The following CCDC88B variants were observed in gnomAD, a reference collection of about 807,000 sequenced individuals.
CCDC88B encodes coiled-coil and HOOK domain protein 88B, also known as coiled-coil domain-containing protein 88B.
A neutral mutation model predicts 183.7 loss-of-function variants in CCDC88B; 138 were observed. The observed-to-expected ratio is 0.75, with a 90% confidence interval of 0.65 to 0.87. The LOEUF is 0.87. Among genes scored for constraint, CCDC88B ranks in the 40% least tolerant of loss-of-function variants. CCDC88B has a pLI of 0.00. For synonymous variants in CCDC88B, 835 were observed against 867.5 expected (o/e 0.96, Z 0.66); for missense variants, 1,822 against 1,965.6 (o/e 0.93, Z 1.38).
At position 64,353,501 on chromosome 11, in the gene CCDC88B, G is replaced by A; in HGVS notation, c.3833+5G>A. On this transcript the variant is annotated splice_donor_5th_base_variant and intron_variant, in intron 22 of 26. Coordinates refer to ENST00000356786, the MANE Select transcript of CCDC88B (RefSeq NM_032251.6). ...CCGCGAACAGCGGGAGTACCTGTGA[G>A]TGGGCCGCCTGGGAGCGGGGTGGGG... 6.2e-7 allele frequency: 1 copy of A among 1,610,328 alleles called. No individual in the cohort carries two copies.
chr11:64,353,098 T>A lies in CCDC88B; in HGVS notation c.3545T>A (p.Leu1182Gln). 1 of 1,607,082 alleles carries A rather than the reference T, an allele frequency of 6.2e-7. No individual in the cohort carries two copies. The highest frequency in any genetic ancestry group is 1.7e-5 in the Admixed American group (1 of 59,342). The change falls in exon 21 of 27, where the codon CTG becomes CAG. Residue 1182 changes from leucine to glutamine, a missense_variant. Physicochemically the swap from Leu to Gln is moderately radical, Grantham distance 113. Transcript: ENST00000356786. Reference protein sequence around the residue: ...LAELSRERGELQGERGELRGR... With the variant: ...LAELSRERGEQQGERGELRGR... ...GAGTTGTCTCGGGAGCGGGGTGAGC[T>A]GCAGGGTGAACGCGGGGAGCTACGG...
chr11:64,351,564 A>C lies in CCDC88B; in HGVS notation c.3047A>C (p.Gln1016Pro). ...GQLGSLQGRA[Q>P]ELLLQSQRAQ... ...CTGGGGAGCCTGCAGGGCCGTGCCC[A>C]GGAGCTGCTGCTGCAGAGCCAGCGG... The change falls in exon 18 of 27, where the codon CAG becomes CCG. Residue 1016 changes from glutamine (Q) to proline (P), a missense_variant. Gln to Pro is a moderately conservative substitution (Grantham distance 76, BLOSUM62 -1). Transcript: ENST00000356786. The C allele has an allele frequency of 6.4e-7, 1 of 1,565,840 alleles. No homozygotes were observed. The highest frequency in any genetic ancestry group is 8.6e-7 in the Non-Finnish European group (1 of 1,164,184).
chr11:64,351,993 T>A, intron 18 of CCDC88B, 137 bp from the exon 19 acceptor site: 1 of 1,251,474 alleles, frequency 8.0e-7, no homozygotes, highest in Non-Finnish European at 1.1e-6. Context: ...CTGCCTGCTG[T>A]GCCCCCAGCC....
rs778015042 is a variant in CCDC88B at position 64,354,129 on chromosome 11, C to T, written c.4058C>T (p.Pro1353Leu). Residue 1353 changes from proline (P) to leucine (L), a missense_variant, in exon 24 of 27, where the codon CCG (proline) becomes CTG (leucine). Physicochemically the swap from Pro to Leu is moderately conservative, Grantham distance 98. Coordinates refer to ENST00000356786, the MANE Select transcript of CCDC88B (RefSeq NM_032251.6). ...AGCACCGAGAGCCTGGGGGGCCCCC[C>T]GGAGACGGAGCTTCCTGAGGGCAGG... is the stretch of plus-strand genomic sequence containing the variant. ...AGSTESLGGP[P>L]ETELPEGREA... 3.9e-5 allele frequency: 53 copies of T among 1,371,142 alleles called. No individual in the cohort carries two copies. The Admixed American group carries it at 4.7e-4, about 12-fold the overall frequency. The allele number at this position is 1,371,142 out of a possible 1,614,324, so 84.9% of individuals were successfully genotyped here.
chr11:64,347,876 C>A (rs1325393642), intron 14 of CCDC88B, among the ~76,000 whole-genome samples: 1 of 151,920 alleles, frequency 6.6e-6, no homozygotes, highest in African/African-American at 2.4e-5. Flanking sequence ...CATGGCAAAA[C>A]CCCAACTCTA....
At position 64,342,650 on chromosome 11, in the gene CCDC88B, G is replaced by A; in HGVS notation, c.1032G>A (p.Gln344=). ...EELRRCRERL[Q]AAEAYKSQLE... is the part of the protein sequence containing the mutation. Reference sequence around the variant, plus strand: ...TGAGGCGCTGCCGCGAGCGGCTGCAGGCGGCTGAGGCCTACAAGAGTCAGC... The same window carrying A: ...TGAGGCGCTGCCGCGAGCGGCTGCAAGCGGCTGAGGCCTACAAGAGTCAGC... The change falls in exon 10 of 27, where the codon CAG becomes CAA. Residue 344 remains glutamine (Q), a synonymous_variant. Transcript: ENST00000356786. 4 of 1,518,332 alleles carry A rather than the reference G, an allele frequency of 2.6e-6. No individual in the cohort carries two copies. The highest frequency in any genetic ancestry group is 2.4e-5 in the South Asian group (2 of 81,896). 94.1% of individuals were successfully genotyped at this position (1,518,332 alleles called of 1,614,324 possible).
intron 2 of CCDC88B, 70 bp from the exon 3 acceptor site, chr11:64,340,836 CG>C (rs2035809382): frequency 1.3e-6 from 2 of 1,540,280 alleles, no homozygotes; most frequent in South Asian, 2.5e-5. Flanking sequence ...GCTCAGTGGG[CG>C]GGGCCTGAGG....
chr11:64,353,972 C>T (rs1290478813), intron 23 of CCDC88B, 32 bp from the exon 24 acceptor site: 2 of 1,530,004 alleles, frequency 1.3e-6, no homozygotes, highest in Non-Finnish European at 1.8e-6. Context: ...TCCTCCCTGT[C>T]CTGACCCCCT....
chr11:64,355,115 C>A (rs545466286), intron 24 of CCDC88B, 79 bp from the exon 25 acceptor site: 5 of 1,043,400 alleles, frequency 4.8e-6, no homozygotes, highest in South Asian at 6.3e-5. Flanking sequence ...AGCCTCCCCC[C>A]ATTCTCTGAC....
intron 16 of CCDC88B, 150 bp downstream of exon 16, chr11:64,349,818 G>A (rs568057839): frequency 2.8e-6 from 2 of 710,242 alleles, no homozygotes; most frequent in East Asian, 5.4e-5. Flanking sequence ...GTTGGAGAGA[G>A]CACTGTGCTG....
Position 64,355,251 on chromosome 11 carries a change from A to G in CCDC88B, c.4157A>G (p.Glu1386Gly). 1 of 1,553,858 alleles carries G rather than the reference A, an allele frequency of 6.4e-7. No homozygotes were observed. The highest frequency in any genetic ancestry group is 8.7e-7 in the Non-Finnish European group (1 of 1,153,376). The change falls in exon 25 of 27, where the codon GAG (glutamate) becomes GGG (glycine). Residue 1386 changes from glutamate (E) to glycine (G), a missense_variant. Physicochemically the swap from Glu to Gly is moderately conservative, Grantham distance 98 (BLOSUM62 -2). Transcript: ENST00000356786. Reference protein sequence around the residue: ...RAQSSLCLRDETLAGGQRRKL... With the variant: ...RAQSSLCLRDGTLAGGQRRKL... The stretch of plus-strand genomic sequence containing the variant: ...CAGAGCTCCCTCTGCCTGCGGGATG[A>G]GACCTTGGCAGGCGGGCAGCGGCGG...
rs1591290792 is a variant in CCDC88B, at chr11:64,349,457, A to C, written c.2743A>C (p.Arg915=). The C allele has an allele frequency of 2.2e-6, 3 of 1,352,462 alleles. No homozygotes were observed. In the East Asian group the frequency reaches 1.2e-4, roughly 53 times the overall value. The allele number at this position is 1,352,462 out of a possible 1,614,324, so 83.8% of individuals were successfully genotyped here. ...FLREKESQHQ[R]YQGLEQRLEA... ...GCGAGAAAAGGAAAGCCAGCACCAG[A>C]GGTGGGGACAGGGCTGAGGGGAAGA... Residue 915 remains arginine (R), a splice_region_variant and synonymous_variant, in exon 15 of 27, where the codon AGG becomes CGG. Transcript: ENST00000356786.
At position 64,341,609 on chromosome 11, in the gene CCDC88B, C is replaced by A. The variant is rs762002647; in HGVS notation, c.542C>A (p.Pro181Gln). 3 of 1,599,996 alleles carry A rather than the reference C, an allele frequency of 1.9e-6. No individual in the cohort carries two copies. In the South Asian group the frequency reaches 3.4e-5, roughly 18 times the overall value. Residue 181 changes from proline (P) to glutamine (Q), a missense_variant, in exon 7 of 27, where the codon CCG becomes CAG. Physicochemically the swap from Pro to Gln is moderately conservative, Grantham distance 76. Transcript: ENST00000356786. ...LAAAIQEVTQPGAGVVLALSG... is the reference protein window; with the variant it reads ...LAAAIQEVTQQGAGVVLALSG... ...CTTCCTGCGCCCCAGGTGACCCAGC[C>A]GGGGGCCGGCGTGGTGCTGGCACTG...
At chr11:64,342,728 G>C in intron 10 of CCDC88B, 48 bp downstream of exon 10, 1 of 1,443,256 alleles carries the variant, frequency 6.9e-7, no homozygotes, top group Non-Finnish European at 9.0e-7. Context: ...GAGGGGGCGG[G>C]CCAGGAGGAG....
chr11:64,341,563 CGCG>C lies in CCDC88B; in HGVS notation c.532-33_532-31del, dbSNP rs556067934. The C allele has an allele frequency of 2.0e-4, 325 of 1,609,304 alleles. No homozygotes were observed. In the African/African-American group the frequency reaches 2.7e-3, roughly 13 times the overall value. ...GGCACCTGGGACGCCCTTGCCACAC[CGCG>C]GCTTCCACTGAACTGCTCTTCCTGC... is the stretch of plus-strand genomic sequence containing the variant. On this transcript the variant is annotated intron_variant, in intron 6 of 26. Coordinates refer to ENST00000356786, the MANE Select transcript of CCDC88B (RefSeq NM_032251.6).
At chr11:64,343,752 G>C (rs2035983105) in intron 12 of CCDC88B, 26 bp from the exon 13 acceptor site, 2 of 1,544,858 alleles carry the variant, frequency 1.3e-6, no homozygotes, top group Non-Finnish European at 1.7e-6. Context: ...TAAAGGAGGG[G>C]TCCTGACCTC....
In CCDC88B at chr11:64,344,494, G is replaced by A. The variant is rs1207569579; in HGVS notation, c.1953G>A (p.Gly651=). ...LRQEGPEHKP[G]PSEPSSVQLE... ...AGGAGGGCCCTGAGCACAAGCCAGG[G>A]CCTTCGGAGCCCAGCTCTGTGCAGC... The change falls in exon 14 of 27, where the codon GGG becomes GGA. Residue 651 remains glycine, a synonymous_variant. Coordinates refer to ENST00000356786, the MANE Select transcript of CCDC88B (RefSeq NM_032251.6). The surrounding 1 kb of genome is among the most constrained non-coding windows in gnomAD (Gnocchi z 4.5). The A allele has an allele frequency of 1.0e-5, 16 of 1,607,030 alleles. No individual in the cohort carries two copies. The highest frequency in any genetic ancestry group is 1.4e-5 in the Non-Finnish European group (16 of 1,177,116).
At chr11:64,355,853 G>T (rs750451685) in intron 26 of CCDC88B, 20 of 441,562 alleles carry the variant, frequency 4.5e-5, no homozygotes, top group Non-Finnish European at 6.8e-5. Flanking sequence ...TAGAAATATG[G>T]TGTGAACCAC....
chr11:64,356,853 T>C, intron 26 of CCDC88B, 186 bp from the exon 27 acceptor site: 1 of 575,152 alleles, frequency 1.7e-6, no homozygotes. Context: ...GTTTGTCGTG[T>C]GGACATACCT....
Sources: allele counts gnomAD v4.1 joint callset (sites outside exome capture counted in the v4.1 genomes callset), GRCh38; gene constraint gnomAD v4.1.1; non-coding constraint Gnocchi (gnomAD v3.1); transcripts MANE v1.5; gene names NCBI Gene and HGNC (gene_info 2026-07-23, HGNC 2026-07-21).